Variants in CSNK1G3 observed in about 807,000 individuals in gnomAD.
CSNK1G3 encodes the protein casein kinase 1 gamma 3, also known as casein kinase I isoform gamma-3.
CSNK1G3 carries 23 observed loss-of-function variants against 64.3 expected under a neutral mutation model. The observed-to-expected ratio is 0.36, with a 90% CI of 0.26 to 0.51. CSNK1G3 has a LOEUF of 0.51. CSNK1G3 is among the 20% of genes least tolerant of loss of function. The probability of loss-of-function intolerance (pLI) is 0.96; values close to 1 mark genes in which losing one functional copy is unlikely to be tolerated. For synonymous variants in CSNK1G3, 158 were observed against 162.2 expected, an observed-to-expected ratio of 0.97 and a Z score of 0.20; for missense variants, 357 against 510.5, an observed-to-expected ratio of 0.70 and a Z score of 2.90.
At chr5:123,545,864 A>G (rs759907767) in intron 2 of CSNK1G3, 23 bp downstream of exon 2, 17 of 1,569,652 alleles carry the variant, frequency 1.1e-5, no homozygotes, top group African/African-American at 9.5e-5. Context: ...TGTTTATTCC[A>G]TTATGTTAGA....
intron 1 of CSNK1G3, among the ~76,000 whole-genome samples, chr5:123,532,760 T>C (rs1292933658): frequency 3.3e-5 from 5 of 151,918 alleles, no homozygotes; most frequent in Non-Finnish European, 7.4e-5. Flanking sequence ...TTAGTTATCT[T>C]TAGGATGCAA....
At chr5:123,542,719 A>G (rs1385596157) in intron 1 of CSNK1G3, among the ~76,000 whole-genome samples, 1 of 151,546 alleles carries the variant, frequency 6.6e-6, no homozygotes, top group African/African-American at 2.4e-5. Flanking sequence ...ATATCCTTCC[A>G]TTTTCTTTTG....
intron 1 of CSNK1G3, among the ~76,000 whole-genome samples, chr5:123,543,594 G>T (rs1782038373): frequency 6.6e-6 from 1 of 152,084 alleles, no homozygotes; most frequent in Non-Finnish European, 1.5e-5. Context: ...TCTGATCTGT[G>T]ATCACTGTGT....
At chr5:123,603,488 T>C (rs1365004281) in intron 10 of CSNK1G3, among the ~76,000 whole-genome samples, 1 of 152,076 alleles carries the variant, frequency 6.6e-6, no homozygotes, top group Non-Finnish European at 1.5e-5. Flanking sequence ...GTCTCTCTTA[T>C]CCTGGAGCTT....
chr5:123,553,115 T>C, exon 3 of CSNK1G3: 1 of 1,400,700 alleles, frequency 7.1e-7, no homozygotes, highest in Non-Finnish European at 9.6e-7. Context: ...AGGGAAAAAT[T>C]TATACACAAA....
At chr5:123,555,271 C>T (rs923847135) in intron 3 of CSNK1G3, among the ~76,000 whole-genome samples, 1 of 152,164 alleles carries the variant, frequency 6.6e-6, no homozygotes, top group South Asian at 2.1e-4. Flanking sequence ...TCACGTTCAC[C>T]TCAAGTTCAT....
intron 6 of CSNK1G3, among the ~76,000 whole-genome samples, chr5:123,583,936 C>G (rs1053093256): frequency 6.6e-5 from 10 of 152,022 alleles, no homozygotes; most frequent in African/African-American, 1.4e-4. Context: ...AGGCTATCCA[C>G]CTGGCTCGAC....
At chr5:123,614,410 C>T in exon 13 of CSNK1G3, 1 of 1,609,816 alleles carries the variant, frequency 6.2e-7, no homozygotes, top group Non-Finnish European at 8.5e-7. Context: ...TGGACACAGA[C>T]AGATCCTGGG....
intron 10 of CSNK1G3, among the ~76,000 whole-genome samples, chr5:123,603,429 A>G (rs956525723): frequency 1.3e-5 from 2 of 152,100 alleles, no homozygotes; most frequent in African/African-American, 2.4e-5. Flanking sequence ...TTCAACGTAT[A>G]TTTATTGAGT....
intron 1 of CSNK1G3, among the ~76,000 whole-genome samples, chr5:123,544,491 G>T (rs1234023248): frequency 6.6e-6 from 1 of 152,150 alleles, no homozygotes; most frequent in Non-Finnish European, 1.5e-5. Flanking sequence ...ATAAGTATTT[G>T]ATATCAATCC....
chr5:123,614,471 G>GC, exon 13 of CSNK1G3: 3 of 1,290,258 alleles, frequency 2.3e-6, no homozygotes, highest in South Asian at 1.5e-5. Flanking sequence ...CATCTCTGTA[G>GC]TGACCACGTA....
At chr5:123,528,246 G>A (rs981564979) in intron 1 of CSNK1G3, among the ~76,000 whole-genome samples, 35 of 152,178 alleles carry the variant, frequency 2.3e-4, no homozygotes, top group African/African-American at 8.2e-4. Flanking sequence ...AATGACCTTT[G>A]ATTTGTGGAG....
At chr5:123,599,552 T>G (rs560668806) in intron 10 of CSNK1G3, among the ~76,000 whole-genome samples, 1 of 152,348 alleles carries the variant, frequency 6.6e-6, no homozygotes, top group Non-Finnish European at 1.5e-5. Flanking sequence ...ATTAAAAGTC[T>G]AGAGGAATAG....
rs1442271319 is a variant in CSNK1G3, at chr5:123,581,364, T to G, written c.673+5401T>G. 5.6e-5 allele frequency among the ~76,000 whole-genome samples: 8 copies of G among 143,788 alleles called. No individual in the cohort carries two copies. In the South Asian group the frequency reaches 1.1e-3, roughly 20 times the overall value. 94.3% of individuals were successfully genotyped at this position (143,788 alleles called of 152,430 possible). ...CTCTTTTTGTTTTTTGGGTTTGTTT[T>G]TTTTTTTTTTTTTTTTGGCCTTCAC... On this transcript the variant is annotated intron_variant, in intron 6 of 12. Coordinates refer to ENST00000345990, the Ensembl canonical transcript of CSNK1G3.
At chr5:123,535,315 T>C (rs1327128580) in intron 1 of CSNK1G3, among the ~76,000 whole-genome samples, 2 of 152,120 alleles carry the variant, frequency 1.3e-5, no homozygotes, top group Admixed American at 6.6e-5. Flanking sequence ...TTATAAAATA[T>C]TATTATTCTT....
In CSNK1G3 at chr5:123,545,483, A is replaced by G. The variant is rs150012511; in HGVS notation, c.-181A>G. On this transcript the variant is annotated 5_prime_UTR_variant, in exon 2 of 13. Coordinates refer to ENST00000345990, the Ensembl canonical transcript of CSNK1G3. ...TGAAGACATGTTTTGCTGAAAAGAC[A>G]CTAAGAAAAATTTTACGAATGGGAT... 1.2e-4 allele frequency: 57 copies of G among 467,874 alleles called. No individual in the cohort carries two copies. The East Asian group carries it at 1.7e-3, about 14-fold the overall frequency. 29.0% of individuals were successfully genotyped at this position (467,874 alleles called of 1,614,324 possible).
chr5:123,522,223 C>T (rs1778235941), intron 1 of CSNK1G3, among the ~76,000 whole-genome samples: 1 of 151,932 alleles, frequency 6.6e-6, no homozygotes, highest in South Asian at 2.1e-4. Context: ...TATCAAAATC[C>T]AAGGATGGGC....
At chr5:123,540,988 T>G (rs184412985) in intron 1 of CSNK1G3, among the ~76,000 whole-genome samples, 1 of 152,332 alleles carries the variant, frequency 6.6e-6, no homozygotes, top group Admixed American at 6.5e-5. Context: ...TGACTTGAGA[T>G]TTAAATTATA....
At chr5:123,527,563 A>G (rs962335410) in intron 1 of CSNK1G3, among the ~76,000 whole-genome samples, 2 of 152,188 alleles carry the variant, frequency 1.3e-5, no homozygotes, top group African/African-American at 4.8e-5. Flanking sequence ...GTTGACACAT[A>G]CTTACCCAAA....
Sources: gnomAD v4.1 joint callset for allele counts (sites outside exome capture counted in the v4.1 genomes callset) on GRCh38, gnomAD v4.1.1 for gene constraint, MANE v1.5 for transcripts, NCBI Gene and HGNC (gene_info 2026-07-23, HGNC 2026-07-21) for gene names.